ZNF804A: variants seen among roughly 807,000 people sequenced by gnomAD.
ZNF804A encodes zinc finger protein 804A.
ZNF804A carries 2 observed loss-of-function variants against 16.5 expected under a neutral mutation model. The ratio of observed to expected loss-of-function variants is 0.12; its 90% CI spans 0.05 to 0.38. The LOEUF (loss-of-function observed/expected upper bound fraction) is 0.38. Among genes scored for constraint, ZNF804A ranks in the 10% least tolerant of loss-of-function variants. The pLI is 0.99. For missense variants in ZNF804A, 1,473 were observed against 1,390.7 expected (o/e 1.06, Z -0.94); for synonymous variants, 534 against 489.6 (o/e 1.09, Z -1.20).
intron 1 of ZNF804A, among the ~76,000 whole-genome samples, chr2:184,752,332 C>T (rs1251448413): frequency 1.3e-5 from 2 of 151,476 alleles, no homozygotes. Flanking sequence ...TTTGCAGGAG[C>T]ATGGATGGAG....
chr2:184,739,431 T>A (rs958652137), intron 1 of ZNF804A, among the ~76,000 whole-genome samples: 10 of 152,182 alleles, frequency 6.6e-5, no homozygotes, highest in African/African-American at 2.4e-4. Context: ...TCTCACTCCA[T>A]CACCCAGGCT....
chr2:184,662,233 G>C (rs1400735137), intron 1 of ZNF804A, among the ~76,000 whole-genome samples: 1 of 152,170 alleles, frequency 6.6e-6, no homozygotes, highest in Non-Finnish European at 1.5e-5. Flanking sequence ...CATCAATATG[G>C]AGTTTTTGAC....
chr2:184,667,553 T>C (rs1272563085), intron 1 of ZNF804A, among the ~76,000 whole-genome samples: 6 of 151,900 alleles, frequency 3.9e-5, no homozygotes, highest in Non-Finnish European at 5.9e-5. Flanking sequence ...ATGACATAGA[T>C]AGAAAATTGC....
At chr2:184,855,343 T>C (rs944929950) in intron 1 of ZNF804A, among the ~76,000 whole-genome samples, 2 of 152,096 alleles carry the variant, frequency 1.3e-5, no homozygotes, top group African/African-American at 2.4e-5. Context: ...CTTTTCCCAT[T>C]GGTTTCACAA....
At chr2:184,673,015 G>A (rs1254073393) in intron 1 of ZNF804A, among the ~76,000 whole-genome samples, 3 of 151,620 alleles carry the variant, frequency 2.0e-5, no homozygotes, top group African/African-American at 7.3e-5. Context: ...CCAAAGTGCT[G>A]GAATTGAGTT....
In ZNF804A at chr2:184,754,676, G is replaced by A. The variant is rs1244084232; in HGVS notation, c.112-111693G>A. On this transcript the variant is annotated intron_variant, in intron 1 of 3. Transcript: ENST00000302277. ...TTTGAATTATATATTTATCATTGCAGTATTTGGTATGCAGTGTTATCTGTA... is the reference window on the plus strand; with the variant it reads ...TTTGAATTATATATTTATCATTGCAATATTTGGTATGCAGTGTTATCTGTA... Among the ~76,000 whole-genome samples, 3 of 151,770 alleles carry A rather than the reference G, an allele frequency of 2.0e-5. No homozygotes were observed. The East Asian group carries it at 5.8e-4, about 30-fold the overall frequency.
intron 1 of ZNF804A, among the ~76,000 whole-genome samples, chr2:184,811,942 AAC>A (rs1020725660): frequency 1.3e-5 from 2 of 152,298 alleles, no homozygotes; most frequent in Non-Finnish European, 2.9e-5. Flanking sequence ...AAAAGGTGAG[AAC>A]ACAGTCGCCC....
intron 2 of ZNF804A, among the ~76,000 whole-genome samples, chr2:184,883,601 C>G (rs1050585341): frequency 6.6e-6 from 1 of 151,974 alleles, no homozygotes; most frequent in Admixed American, 6.6e-5. Flanking sequence ...GCTAATCCAC[C>G]ACAATCAATT....
At chr2:184,908,674 C>G (rs17431742) in intron 2 of ZNF804A, among the ~76,000 whole-genome samples, 66,921 of 151,942 alleles carry the variant, frequency 0.44, 17,168 homozygotes, top group East Asian at 0.75. Flanking sequence ...AAATTTTAAA[C>G]AGTTCCACAT....
chr2:184,761,591 G>A (rs1392095844), intron 1 of ZNF804A, among the ~76,000 whole-genome samples: 1 of 152,042 alleles, frequency 6.6e-6, no homozygotes, highest in African/African-American at 2.4e-5. Flanking sequence ...CTTATTTACT[G>A]AATTCTTTGT....
intron 1 of ZNF804A, among the ~76,000 whole-genome samples, chr2:184,608,245 G>A (rs1691183034): frequency 2.0e-5 from 3 of 152,216 alleles, no homozygotes; most frequent in Middle Eastern, 3.4e-3. Context: ...GCGCCCGGCC[G>A]ATGCATCTCT....
chr2:184,868,474 C>G (rs1228476444), intron 2 of ZNF804A, among the ~76,000 whole-genome samples: 2 of 151,828 alleles, frequency 1.3e-5, no homozygotes, highest in Non-Finnish European at 2.9e-5. Context: ...AGATGTTTCT[C>G]TCTTGAGAAC....
At chr2:184,769,775 G>T (rs1289290470) in intron 1 of ZNF804A, among the ~76,000 whole-genome samples, 6 of 152,002 alleles carry the variant, frequency 3.9e-5, no homozygotes, top group Admixed American at 1.3e-4. Flanking sequence ...AGGGTACATA[G>T]TTCTGGGTCA....
At chr2:184,638,215 C>T (rs534736090) in intron 1 of ZNF804A, among the ~76,000 whole-genome samples, 2 of 152,266 alleles carry the variant, frequency 1.3e-5, no homozygotes, top group South Asian at 4.1e-4. Flanking sequence ...ATTATTTATT[C>T]CATCCTCTCC....
intron 1 of ZNF804A, among the ~76,000 whole-genome samples, chr2:184,646,325 T>C (rs1319291882): frequency 1.3e-5 from 2 of 152,172 alleles, no homozygotes; most frequent in Admixed American, 1.3e-4. Flanking sequence ...TCTTCGGCAG[T>C]GAGACTTGCA....
chr2:184,659,914 C>T (rs529974548), intron 1 of ZNF804A, among the ~76,000 whole-genome samples: 13 of 152,182 alleles, frequency 8.5e-5, no homozygotes, highest in South Asian at 4.1e-4. Context: ...CAGACCTGAA[C>T]AGGGGGAAAT....
At chr2:184,639,956 C>A (rs1287478065) in intron 1 of ZNF804A, among the ~76,000 whole-genome samples, 1 of 151,988 alleles carries the variant, frequency 6.6e-6, no homozygotes, top group Non-Finnish European at 1.5e-5. Flanking sequence ...GAGCCGAGAT[C>A]GCACCACTGC....
At chr2:184,770,945 A>T (rs908581848) in intron 1 of ZNF804A, among the ~76,000 whole-genome samples, 2 of 152,070 alleles carry the variant, frequency 1.3e-5, no homozygotes, top group East Asian at 1.9e-4. Flanking sequence ...ATTTCACCCA[A>T]AGACAGATAC....
chr2:184,938,582 C>T lies in ZNF804A; in HGVS notation c.3186C>T (p.Ala1062=). 6.2e-7 allele frequency: 1 copy of T among 1,614,052 alleles called. No homozygotes were observed. The highest frequency in any genetic ancestry group is 8.5e-7 in the Non-Finnish European group (1 of 1,179,996). The part of the protein sequence containing the change: ...YQHILQPNML[A]NKVKFTFPPA... ...ACATTCTGCAGCCAAACATGCTGGCCAACAAGGTTAAATTTACCTTTCCTC... is the reference window on the plus strand; with the variant it reads ...ACATTCTGCAGCCAAACATGCTGGCTAACAAGGTTAAATTTACCTTTCCTC... The change falls in exon 4 of 4, where the codon GCC becomes GCT. Residue 1062 remains alanine (A), a synonymous_variant. Coordinates refer to ENST00000302277, the MANE Select transcript of ZNF804A (RefSeq NM_194250.2).
Sources: gnomAD v4.1 joint callset for allele counts (sites outside exome capture counted in the v4.1 genomes callset) on GRCh38, gnomAD v4.1.1 for gene constraint, MANE v1.5 for transcripts, NCBI Gene and HGNC (gene_info 2026-07-23, HGNC 2026-07-21) for gene names.